The following BBS2 variants were observed in gnomAD, a reference collection of about 807,000 sequenced individuals.
BBS2 encodes Bardet-Biedl syndrome 2.
In BBS2, 62 loss-of-function variants were observed where a neutral mutation model predicts 83.0. That is an observed-to-expected ratio of 0.75 (90% CI 0.61 to 0.92). BBS2 has a LOEUF of 0.92. BBS2 is among the 40% of genes least tolerant of loss of function. The pLI is 0.00. For missense variants in BBS2, 784 were observed against 901.0 expected (o/e 0.87, Z 1.66); for synonymous variants, 303 against 326.1 (o/e 0.93, Z 0.76).
At chr16:56,495,514 GAGA>G (rs1964091284) in intron 15 of BBS2, among the ~76,000 whole-genome samples, 2 of 152,110 alleles carry the variant, frequency 1.3e-5, no homozygotes, top group African/African-American at 2.4e-5. Flanking sequence ...CACCCCACAG[GAGA>G]AGGAGAGAAG....
At position 56,517,132 on chromosome 16, in the gene BBS2, C is replaced by T. The variant is rs537590920; in HGVS notation, c.118-2452G>A. 3.0e-4 allele frequency among the ~76,000 whole-genome samples: 45 copies of T among 152,286 alleles called. 1 individual carries two copies. The highest frequency in any genetic ancestry group is 3.4e-3 in the Middle Eastern group (1 of 294). Reference sequence around the variant, plus strand: ...CCCGATCTCCCTGCTTCTACTCCGACACCTACCTCCCTACATCCCGTCACA... The same window carrying T: ...CCCGATCTCCCTGCTTCTACTCCGATACCTACCTCCCTACATCCCGTCACA... On this transcript the variant is annotated intron_variant, in intron 1 of 16. Transcript: ENST00000245157.
At chr16:56,481,160 T>G (rs1052046664), downstream of BBS2, among the ~76,000 whole-genome samples, 1 of 152,086 alleles carries the variant, frequency 6.6e-6, no homozygotes, top group Non-Finnish European at 1.5e-5. Context: ...TTGAAAATCT[T>G]TCTTGTAAAA....
At chr16:56,514,400 A>C in intron 2 of BBS2, 53 bp downstream of exon 2, 2 of 1,514,400 alleles carry the variant, frequency 1.3e-6, no homozygotes, top group East Asian at 4.5e-5. Flanking sequence ...TAAGCATAAA[A>C]AATGGACATT....
downstream of BBS2, among the ~76,000 whole-genome samples, chr16:56,480,359 A>AAAAAAAAAAAC (rs1555519791): frequency 6.3e-4 from 90 of 142,852 alleles, 2 homozygotes; most frequent in African/African-American, 2.2e-3. Flanking sequence ...ACACAAAAAA[A>AAAAAAAAAAAC]AAAAAACAAA....
intron 2 of BBS2, among the ~76,000 whole-genome samples, chr16:56,512,788 C>T (rs1365555629): frequency 6.6e-6 from 1 of 152,174 alleles, no homozygotes; most frequent in Non-Finnish European, 1.5e-5. Flanking sequence ...GGGATCCAAA[C>T]TCATTGAACT....
chr16:56,498,297 G>T, intron 13 of BBS2, 140 bp downstream of exon 13: 1 of 1,119,716 alleles, frequency 8.9e-7, no homozygotes, highest in Non-Finnish European at 1.3e-6. Context: ...TTATGACCTT[G>T]ACATTGATGT....
intron 15 of BBS2, among the ~76,000 whole-genome samples, chr16:56,492,920 G>GT (rs771457368): frequency 3.9e-5 from 6 of 151,938 alleles, no homozygotes; most frequent in Non-Finnish European, 7.4e-5. Context: ...AAAGATTTAC[G>GT]TAACAAAACT....
At chr16:56,507,368 A>G (rs188708846) in intron 5 of BBS2, among the ~76,000 whole-genome samples, 1 of 152,312 alleles carries the variant, frequency 6.6e-6, no homozygotes, top group Admixed American at 6.5e-5. Flanking sequence ...CCCTAACTCT[A>G]TTCCAGGTTC....
At chr16:56,511,968 T>A (rs779716309) in intron 2 of BBS2, among the ~76,000 whole-genome samples, 1 of 152,080 alleles carries the variant, frequency 6.6e-6, no homozygotes, top group African/African-American at 2.4e-5. Context: ...AGAGTTTGTA[T>A]CCAGTATATC....
intron 15 of BBS2, among the ~76,000 whole-genome samples, chr16:56,491,546 C>A (rs1230631630): frequency 1.3e-5 from 2 of 152,048 alleles, no homozygotes; most frequent in African/African-American, 2.4e-5. Flanking sequence ...CAACTTCTTT[C>A]CTTTATAAAT....
intron 17 of BBS2, chr16:56,475,894 G>T: frequency 1.4e-6 from 1 of 697,400 alleles, no homozygotes. Flanking sequence ...AAAATGGCTT[G>T]ACAGCCACCC....
intron 5 of BBS2, 91 bp from the exon 6 acceptor site, chr16:56,506,315 A>G: frequency 1.1e-6 from 1 of 946,232 alleles, no homozygotes; most frequent in South Asian, 1.4e-5. Flanking sequence ...ACTCCTTGTT[A>G]CAACTATGTT....
chr16:56,500,712 A>C (rs1360953031), intron 11 of BBS2, 142 bp downstream of exon 11: 2 of 765,026 alleles, frequency 2.6e-6, no homozygotes, highest in African/African-American at 1.8e-5. Flanking sequence ...AGGAAATAAA[A>C]GGTCATGAGA....
chr16:56,519,634 G>A lies in BBS2; in HGVS notation c.117+112C>T, dbSNP rs535087500. On this transcript the variant is annotated intron_variant, in intron 1 of 16. Transcript: ENST00000245157. ...CAAGGTGCTCGCCGACCGGTTGCCG[G>A]GCAACACGGGCTGGGGGCGGGGTCG... 198 of 844,318 alleles carry A rather than the reference G, an allele frequency of 2.3e-4. 1 individual carries two copies. The African/African-American group carries it at 2.9e-3, about 12-fold the overall frequency. 52.3% of individuals were successfully genotyped at this position (844,318 alleles called of 1,614,324 possible).
chr16:56,519,758 G>A lies in BBS2; in HGVS notation c.105C>T (p.Thr35=), dbSNP rs747909826. The A allele has an allele frequency of 9.3e-6, 15 of 1,613,172 alleles. No homozygotes were observed. The South Asian group carries it at 1.5e-4, about 17-fold the overall frequency. ...DGTHPCLAAA[T]QTGKVFIHNP... ...TGGGAGCGGTTACCTTGCCCGTTTG[G>A]GTGGCGGCCGCCAGGCACGGGTGAG... The change falls in exon 1 of 17, where the codon ACC becomes ACT. Residue 35 remains threonine, a synonymous_variant. Coordinates refer to ENST00000245157, the MANE Select transcript of BBS2 (RefSeq NM_031885.5).
intron 11 of BBS2, chr16:56,500,588 G>C (rs1445506078): frequency 4.9e-6 from 2 of 409,538 alleles, no homozygotes; most frequent in East Asian, 1.0e-4. Flanking sequence ...TTGCCCCACT[G>C]TACTCCAGCC....
At chr16:56,476,186 CATTCATCTATTATGAAT>C in intron 17 of BBS2, 1 of 1,612,014 alleles carries the variant, frequency 6.2e-7, no homozygotes. Flanking sequence ...TGGGACTTTT[CATTCATCTATTATGAAT>C]GACAGCACTG....
At chr16:56,509,760 T>C (rs1277028194) in intron 5 of BBS2, 197 bp downstream of exon 5, 2 of 571,046 alleles carry the variant, frequency 3.5e-6, no homozygotes, top group Non-Finnish European at 6.3e-6. Flanking sequence ...TTAATCAGTC[T>C]TTTCAAAATA....
downstream of BBS2, among the ~76,000 whole-genome samples, chr16:56,483,702 A>AT (rs35282850): frequency 5.6e-3 from 796 of 142,900 alleles, 5 homozygotes; most frequent in African/African-American, 0.015. Context: ...AAATATCCAC[A>AT]TTTTTTTTTT....
Sources: allele counts gnomAD v4.1 joint callset (sites outside exome capture counted in the v4.1 genomes callset), GRCh38; gene constraint gnomAD v4.1.1; transcripts MANE v1.5; gene names NCBI Gene and HGNC (gene_info 2026-07-23, HGNC 2026-07-21).